Variants in RNASEL observed in about 807,000 individuals in gnomAD.
RNASEL encodes the protein ribonuclease L.
In RNASEL, 36 loss-of-function variants were observed where a neutral mutation model predicts 50.9. That is an observed-to-expected ratio of 0.71 (90% confidence interval 0.54 to 0.93). The LOEUF (loss-of-function observed/expected upper bound fraction) is 0.93, where lower values mean the gene tolerates loss of function less well. RNASEL is among the 40% of genes least tolerant of loss of function. The pLI is 0.00. For synonymous variants in RNASEL, 335 were observed against 335.6 expected (o/e 1.00, Z 0.02); for missense variants, 860 against 894.5 (o/e 0.96, Z 0.49).
rs1026536957 is a variant in RNASEL, at chr1:182,586,071, C to T, written c.736G>A (p.Ala246Thr). 1.9e-6 allele frequency: 3 copies of T among 1,613,956 alleles called. No homozygotes were observed. The African/African-American group carries it at 4.0e-5, about 22-fold the overall frequency. Reference sequence around the variant, plus strand: ...AAACCCAAGTGCTTCTTCTCCACTGCCAGGATCAGGGGAGTCTTCCCTCTT... The same window carrying T: ...AAACCCAAGTGCTTCTTCTCCACTGTCAGGATCAGGGGAGTCTTCCCTCTT... ...GERGKTPLIL[A>T]VEKKHLGLVQ... Residue 246 changes from alanine (A) to threonine (T), a missense_variant, in exon 2 of 7, where the codon GCA (alanine) becomes ACA (threonine). By Grantham distance (58) the Ala-to-Thr change is moderately conservative. Coordinates refer to ENST00000367559, the MANE Select transcript of RNASEL (RefSeq NM_021133.4).
At chr1:182,587,228 AG>A (rs1661617831) in intron 1 of RNASEL, among the ~76,000 whole-genome samples, 1 of 152,144 alleles carries the variant, frequency 6.6e-6, no homozygotes, top group African/African-American at 2.4e-5. Flanking sequence ...ATACTCTGTA[AG>A]TAACTGTATC....
rs370880759 is a variant in RNASEL, at chr1:182,585,831, T to C, written c.976A>G (p.Lys326Glu). Residue 326 changes from lysine (K) to glutamate (E), a missense_variant, in exon 2 of 7, where the codon AAA (lysine) becomes GAA (glutamate). Coordinates refer to ENST00000367559, the MANE Select transcript of RNASEL (RefSeq NM_021133.4). ...LVKVLLSHGA[K>E]EDFHPPAEDW... ...TCAGCAGGAGGGTGAAAATCTTCTT[T>C]GGCTCCATGAGAGAGAAGAACCTTC... is the stretch of plus-strand genomic sequence containing the variant. 18 of 1,613,734 alleles carry C rather than the reference T, an allele frequency of 1.1e-5. No homozygotes were observed. The African/African-American group carries it at 2.3e-4, about 20-fold the overall frequency.
chr1:182,585,694 A>G lies in RNASEL; in HGVS notation c.1113T>C (p.Ile371=). 1.2e-6 allele frequency: 2 copies of G among 1,613,998 alleles called. No individual in the cohort carries two copies. The highest frequency in any genetic ancestry group is 1.7e-6 in the Non-Finnish European group (2 of 1,180,008). ...LKFFIDEKYK[I]ADTSEGGIYL... ...AGATGCCTCCTTCTGAAGTATCAGC[A>G]ATTTTGTATTTTTCATCAATAAAGA... The change falls in exon 2 of 7, where the codon ATT becomes ATC. Residue 371 remains isoleucine (I), a synonymous_variant. Transcript: ENST00000367559.
At position 182,585,714 on chromosome 1, in the gene RNASEL, T is replaced by C. The variant is rs1661580209; in HGVS notation, c.1093A>G (p.Ile365Val). 2 of 1,614,094 alleles carry C rather than the reference T, an allele frequency of 1.2e-6. No individual in the cohort carries two copies. The highest frequency in any genetic ancestry group is 1.3e-5 in the African/African-American group (1 of 75,026). The change falls in exon 2 of 7, where the codon ATT becomes GTT. Residue 365 changes from isoleucine (I) to valine (V), a missense_variant. By Grantham distance (29) the Ile-to-Val change is conservative. Coordinates refer to ENST00000367559, the MANE Select transcript of RNASEL (RefSeq NM_021133.4). ...RPMIGKLKFF[I>V]DEKYKIADTS... The stretch of plus-strand genomic sequence containing the variant: ...TCAGCAATTTTGTATTTTTCATCAA[T>C]AAAGAACTTGAGTTTGCCAATCATA...
Position 182,586,161 on chromosome 1 carries a change from T to C in RNASEL, c.646A>G (p.Ser216Gly). The C allele has an allele frequency of 6.2e-7, 1 of 1,614,180 alleles. No individual in the cohort carries two copies. Among genetic ancestry groups the C allele is most frequent in the Non-Finnish European group, 8.5e-7 (1 of 1,180,040 alleles). Residue 216 changes from serine to glycine, a missense_variant, in exon 2 of 7, where the codon AGT becomes GGT. Transcript: ENST00000367559. ...LIHALLSSDD[S>G]DVEAITHLLL... ...AGATGCGTAATAGCCTCCACATCAC[T>C]ATCGTCAGAGCTCAGGAGAGCATGG...
intron 1 of RNASEL, among the ~76,000 whole-genome samples, chr1:182,588,731 A>C (rs572669001): frequency 2.0e-5 from 3 of 152,352 alleles, no homozygotes; most frequent in African/African-American, 7.2e-5. Flanking sequence ...CCAGGCAATG[A>C]AATCTTTGAA....
intron 6 of RNASEL, 134 bp from the exon 7 acceptor site, chr1:182,575,712 G>C: frequency 8.8e-7 from 1 of 1,138,234 alleles, no homozygotes; most frequent in East Asian, 2.6e-5. Context: ...GAATCTGACA[G>C]AGCAAGACTC....
rs753103917 is a variant in RNASEL, at chr1:182,581,261, A to C, written c.1869T>G (p.Ser623=). The change falls in exon 5 of 7, where the codon TCT becomes TCG. Residue 623 remains serine (S), a synonymous_variant. Coordinates refer to ENST00000367559, the MANE Select transcript of RNASEL (RefSeq NM_021133.4). ...EILRLLQPGP[S]EHSKSFDKWT... ...ACTTGTCAAAACTTTTGGAATGTTC[A>C]GAAGGCCCAGGTTGCAGTAGTCTGA... 3 of 1,614,138 alleles carry C rather than the reference A, an allele frequency of 1.9e-6. No homozygotes were observed. The highest frequency in any genetic ancestry group is 2.5e-6 in the Non-Finnish European group (3 of 1,180,022).
chr1:182,581,399 T>A (rs1558471819), intron 4 of RNASEL, 42 bp from the exon 5 acceptor site: 1 of 1,605,082 alleles, frequency 6.2e-7, no homozygotes, highest in Non-Finnish European at 8.5e-7. Flanking sequence ...GATCATCCCA[T>A]CCCTCCCTTT....
chr1:182,589,057 C>T (rs1046628278), intron 1 of RNASEL, 110 bp downstream of exon 1: 2 of 152,322 alleles, frequency 1.3e-5, no homozygotes, highest in African/African-American at 4.8e-5. Flanking sequence ...GAGCTCCCCT[C>T]CCACTTCCCA....
chr1:182,581,059 C>T (rs1442246199), intron 5 of RNASEL, among the ~76,000 whole-genome samples, 166 bp downstream of exon 5: 1 of 152,114 alleles, frequency 6.6e-6, no homozygotes, highest in African/African-American at 2.4e-5. Flanking sequence ...AAGTAGACAC[C>T]CCGGCAGGGA....
chr1:182,585,381 G>A lies in RNASEL; in HGVS notation c.1426C>T (p.His476Tyr). The change falls in exon 2 of 7, where the codon CAC becomes TAC. Residue 476 changes from histidine (H) to tyrosine (Y), a missense_variant. Transcript: ENST00000367559. ...TGGTGGGTGTATCCACAGGACAAGT[G>A]TAGTTCTTGAACAGCCTTAAATATA... ...SSIFKAVQEL[H>Y]LSCGYTHQDL... is the part of the protein sequence containing the mutation. 1 of 1,614,238 alleles carries A rather than the reference G, an allele frequency of 6.2e-7. No individual in the cohort carries two copies. The highest frequency in any genetic ancestry group is 1.1e-5 in the South Asian group (1 of 91,084).
At chr1:182,580,826 A>T (rs1661479336) in intron 5 of RNASEL, among the ~76,000 whole-genome samples, 1 of 152,230 alleles carries the variant, frequency 6.6e-6, no homozygotes, top group South Asian at 2.1e-4. Context: ...CAGTGGAGGC[A>T]GCCAGGCTGT....
At chr1:182,580,757 A>G (rs1412498715) in intron 5 of RNASEL, among the ~76,000 whole-genome samples, 1 of 152,214 alleles carries the variant, frequency 6.6e-6, no homozygotes, top group East Asian at 1.9e-4. Flanking sequence ...TTCATAGTCT[A>G]TTTCCTCAGG....
chr1:182,575,248 A>G lies in RNASEL; in HGVS notation c.*144T>C. 1.3e-6 allele frequency: 1 copy of G among 790,490 alleles called. No homozygotes were observed. The highest frequency in any genetic ancestry group is 2.2e-6 in the Non-Finnish European group (1 of 450,014). 49.0% of individuals were successfully genotyped at this position (790,490 alleles called of 1,614,324 possible). ...ATTGCTTTTGTTATAGACATATGGAATACACGATGCCAGGGACTGACATAT... is the reference window on the plus strand; with the variant it reads ...ATTGCTTTTGTTATAGACATATGGAGTACACGATGCCAGGGACTGACATAT... On this transcript the variant is annotated 3_prime_UTR_variant, in exon 7 of 7. Transcript: ENST00000367559.
intron 5 of RNASEL, chr1:182,579,269 G>A (rs1451552755): frequency 1.0e-6 from 1 of 985,700 alleles, no homozygotes; most frequent in Non-Finnish European, 1.2e-6. Context: ...AGGTGTCCCA[G>A]GGCAACTCCT....
At chr1:182,577,674 A>C (rs1361642056) in intron 5 of RNASEL, among the ~76,000 whole-genome samples, 4 of 152,204 alleles carry the variant, frequency 2.6e-5, no homozygotes, top group Non-Finnish European at 4.4e-5. Context: ...AAATAGCCAC[A>C]GGCATCTTAA....
At position 182,585,468 on chromosome 1, in the gene RNASEL, C is replaced by G. The variant is rs1661574314; in HGVS notation, c.1339G>C (p.Val447Leu). 6.2e-7 allele frequency: 1 copy of G among 1,614,204 alleles called. No individual in the cohort carries two copies. The highest frequency in any genetic ancestry group is 8.5e-7 in the Non-Finnish European group (1 of 1,180,052). Residue 447 changes from valine (V) to leucine (L), a missense_variant, in exon 2 of 7, where the codon GTG (valine) becomes CTG (leucine). Physicochemically the swap from Val to Leu is conservative, Grantham distance 32. Coordinates refer to ENST00000367559, the MANE Select transcript of RNASEL (RefSeq NM_021133.4). ...CEQTLEACLDVHRGEDVENEE... is the reference protein window; with the variant it reads ...CEQTLEACLDLHRGEDVENEE... ...TTTTCCACATCTTCCCCTCTGTGCA[C>G]ATCCAAACACGCTTCCAGAGTCTGC...
At position 182,582,093 on chromosome 1, in the gene RNASEL, T is replaced by G; in HGVS notation, c.1732A>C (p.Ser578Arg). ...HPGEHVRDCLSDLLGHPFFWT... is the reference protein window; with the variant it reads ...HPGEHVRDCLRDLLGHPFFWT... The stretch of plus-strand genomic sequence containing the variant: ...AAGAAGGGATGACCCAGCAGGTCAC[T>G]CAGACAGTCCCTCACATGTTCCCCA... Residue 578 changes from serine to arginine, a missense_variant, in exon 4 of 7, where the codon AGT (serine) becomes CGT (arginine). Physicochemically the swap from Ser to Arg is moderately radical, Grantham distance 110. Coordinates refer to ENST00000367559, the MANE Select transcript of RNASEL (RefSeq NM_021133.4). The G allele has an allele frequency of 6.2e-7, 1 of 1,614,214 alleles. No individual in the cohort carries two copies. The highest frequency in any genetic ancestry group is 1.3e-5 in the African/African-American group (1 of 75,056).
Sources: allele counts gnomAD v4.1 joint callset (sites outside exome capture counted in the v4.1 genomes callset), GRCh38; gene constraint gnomAD v4.1.1; transcripts MANE v1.5; gene names NCBI Gene and HGNC (gene_info 2026-07-23, HGNC 2026-07-21).